PTPRT: variants seen among roughly 807,000 people sequenced by gnomAD.
PTPRT encodes the protein receptor-type tyrosine-protein phosphatase T.
PTPRT carries 56 observed loss-of-function variants against 176.8 expected under a neutral mutation model. The observed-to-expected ratio is 0.32, with a 90% CI of 0.26 to 0.40. The LOEUF is 0.40. PTPRT is among the 10% of genes least tolerant of loss of function. PTPRT has a pLI of 1.00. For missense variants in PTPRT, 1,540 were observed against 1,908.2 expected, an observed-to-expected ratio of 0.81 and a Z score of 3.60; for synonymous variants, 783 against 739.0, an observed-to-expected ratio of 1.06 and a Z score of -0.96.
chr20:42,443,521 C>T (rs1051523220), intron 9 of PTPRT, among the ~76,000 whole-genome samples: 3 of 152,206 alleles, frequency 2.0e-5, no homozygotes, highest in Admixed American at 2.0e-4. Flanking sequence ...GATCTGAGGC[C>T]ATGGTCTAAT....
Position 43,156,755 on chromosome 20 carries a change from G to T in PTPRT, c.88+32891C>A, listed in dbSNP as rs1405079003. 5.3e-5 allele frequency among the ~76,000 whole-genome samples: 8 copies of T among 152,180 alleles called. No individual in the cohort carries two copies. In the East Asian group the frequency reaches 1.3e-3, roughly 26 times the overall value. ...TCTCATCAGTTCCTCTTCAGTCATT[G>T]ATCATCCAATGGAAAAATTTGCTAC... is the stretch of plus-strand genomic sequence containing the variant. On this transcript the variant is annotated intron_variant, in intron 1 of 30. Coordinates refer to ENST00000373187, the MANE Select transcript of PTPRT (RefSeq NM_007050.6).
intron 16 of PTPRT, among the ~76,000 whole-genome samples, chr20:42,170,398 A>G (rs1990027049): frequency 1.3e-5 from 2 of 152,246 alleles, no homozygotes; most frequent in Admixed American, 1.3e-4. Context: ...ATGCGAGAAA[A>G]GATAGAAGAA....
chr20:42,508,396 A>G (rs1362246569), intron 7 of PTPRT, among the ~76,000 whole-genome samples: 3 of 152,266 alleles, frequency 2.0e-5, no homozygotes, highest in East Asian at 1.9e-4. Flanking sequence ...TCCCAGCTGT[A>G]TGAGAGAAGG....
chr20:42,578,901 TTG>T lies in PTPRT; in HGVS notation c.1153+98963_1153+98964del, dbSNP rs1491493053. On this transcript the variant is annotated intron_variant, in intron 7 of 30. Coordinates refer to ENST00000373187, the MANE Select transcript of PTPRT (RefSeq NM_007050.6). ...TTTGAGTCTTGCAAGTTTTTTTTTT[TTG>T]GGGGGGGGTCGGTTTTTATTATACT... Among the ~76,000 whole-genome samples the T allele has an allele frequency of 9.8e-3, 1,364 of 139,424 alleles. 19 individuals are homozygous for T. Among genetic ancestry groups the T allele is most frequent in the Middle Eastern group, 0.021 (6 of 280 alleles). The allele number at this position is 139,424 out of a possible 152,430, so 91.5% of individuals were successfully genotyped here.
intron 18 of PTPRT, among the ~76,000 whole-genome samples, chr20:42,140,870 C>T (rs1988590537): frequency 6.6e-6 from 1 of 152,146 alleles, no homozygotes; most frequent in African/African-American, 2.4e-5. Context: ...AGTAATGGTG[C>T]CAGGCACTGT....
intron 27 of PTPRT, among the ~76,000 whole-genome samples, chr20:42,088,059 C>T (rs1984191725): frequency 6.6e-6 from 1 of 151,906 alleles, no homozygotes. Flanking sequence ...CCAAGGGGCA[C>T]AAGATGGATC....
intron 1 of PTPRT, among the ~76,000 whole-genome samples, chr20:42,892,481 G>A (rs890089181): frequency 2.0e-5 from 3 of 149,974 alleles, no homozygotes; most frequent in Admixed American, 6.6e-5. Flanking sequence ...CAGCAGTGGA[G>A]CTAAGTAAAA....
chr20:42,908,766 T>G (rs896805039), intron 1 of PTPRT, among the ~76,000 whole-genome samples: 3 of 152,200 alleles, frequency 2.0e-5, no homozygotes, highest in Non-Finnish European at 1.5e-5. Flanking sequence ...AGTGTGATTG[T>G]CCACTGAGTA....
chr20:43,033,007 C>G (rs551975386), intron 1 of PTPRT, among the ~76,000 whole-genome samples: 1 of 152,310 alleles, frequency 6.6e-6, no homozygotes, highest in East Asian at 1.9e-4. Flanking sequence ...TTGAATGTCT[C>G]TAGCAGTGTG....
chr20:42,622,265 G>A (rs1020370748), intron 7 of PTPRT, among the ~76,000 whole-genome samples: 5 of 148,836 alleles, frequency 3.4e-5, no homozygotes, highest in African/African-American at 1.3e-4. Flanking sequence ...TTTTTGAGAC[G>A]GAGTCTCACT....
intron 1 of PTPRT, among the ~76,000 whole-genome samples, chr20:43,000,749 C>T (rs934279675): frequency 1.6e-4 from 25 of 151,560 alleles, no homozygotes; most frequent in Non-Finnish European, 3.4e-4. Context: ...CTAGAATGAG[C>T]GGGCCCAAGA....
Position 42,565,842 on chromosome 20 carries a change from C to T in PTPRT, c.1154-93280G>A, listed in dbSNP as rs560976773. 2.0e-5 allele frequency among the ~76,000 whole-genome samples: 3 copies of T among 152,014 alleles called. No individual in the cohort carries two copies. The East Asian group carries it at 5.9e-4, about 30-fold the overall frequency. On this transcript the variant is annotated intron_variant, in intron 7 of 30. Coordinates refer to ENST00000373187, the MANE Select transcript of PTPRT (RefSeq NM_007050.6). ...CCAGCTGGGTCCTGTAACCTTCCTG[C>T]CTTCCAAAGGGCAATATTACCACTT...
the PTPRT span, among the ~76,000 whole-genome samples, chr20:42,066,186 C>T: frequency 3.3e-5 from 5 of 150,740 alleles, no homozygotes; most frequent in African/African-American, 7.3e-5. Context: ...ATTACAGGCA[C>T]GTGCCACCAT....
chr20:42,219,783 G>C (rs903693157), intron 15 of PTPRT, among the ~76,000 whole-genome samples: 6 of 152,206 alleles, frequency 3.9e-5, no homozygotes. Context: ...GGCTGCCTGA[G>C]GCCAGGGCTT....
At chr20:42,268,454 T>C (rs533697362) in intron 13 of PTPRT, among the ~76,000 whole-genome samples, 2 of 152,090 alleles carry the variant, frequency 1.3e-5, no homozygotes, top group South Asian at 2.1e-4. Flanking sequence ...TCTGGAGAAG[T>C]ATTGTTTCTC....
At chr20:42,516,147 T>C (rs1407343778) in intron 7 of PTPRT, among the ~76,000 whole-genome samples, 2 of 150,260 alleles carry the variant, frequency 1.3e-5, no homozygotes, top group Non-Finnish European at 3.0e-5. Context: ...GAGATACACC[T>C]AAGGCTAGAT....
intron 1 of PTPRT, among the ~76,000 whole-genome samples, chr20:43,073,866 C>A (rs1033287508): frequency 6.6e-6 from 1 of 151,952 alleles, no homozygotes; most frequent in Non-Finnish European, 1.5e-5. Flanking sequence ...ATCCTCCCAC[C>A]TCAGCCTCCC....
intron 12 of PTPRT, among the ~76,000 whole-genome samples, chr20:42,310,290 G>A (rs1383107787): frequency 2.6e-5 from 4 of 152,064 alleles, no homozygotes; most frequent in Non-Finnish European, 4.4e-5. Flanking sequence ...GGGTAAGTAG[G>A]ATGAAGGATA....
At chr20:42,966,255 A>G (rs1436128631) in intron 1 of PTPRT, 3 of 152,238 alleles carry the variant, frequency 2.0e-5, no homozygotes, top group Non-Finnish European at 4.4e-5. Flanking sequence ...CATGCTTGCC[A>G]ACACTGGGTA....
Sources: gnomAD v4.1 joint callset for allele counts (sites outside exome capture counted in the v4.1 genomes callset) on GRCh38, gnomAD v4.1.1 for gene constraint, MANE v1.5 for transcripts, NCBI Gene and HGNC (gene_info 2026-07-23, HGNC 2026-07-21) for gene names.